ADAMTS2: variants seen among roughly 807,000 people sequenced by gnomAD.
ADAMTS2 encodes the protein A disintegrin and metalloproteinase with thrombospondin motifs 2.
ADAMTS2 carries 50 observed loss-of-function variants against 123.0 expected under a neutral mutation model. The ratio of observed to expected loss-of-function variants is 0.41; its 90% confidence interval spans 0.32 to 0.51. The LOEUF (loss-of-function observed/expected upper bound fraction) is 0.51, where lower values mean the gene tolerates loss of function less well. Ranked by LOEUF, ADAMTS2 falls within the 20% of genes least tolerant of loss-of-function variation. The pLI, the probability that ADAMTS2 is intolerant of heterozygous loss-of-function variation, is 0.35. For missense variants in ADAMTS2, 1,494 were observed against 1,705.2 expected (o/e 0.88, Z 2.18); for synonymous variants, 678 against 695.4 (o/e 0.98, Z 0.39).
At chr5:179,289,804 T>C (rs954461810) in intron 2 of ADAMTS2, among the ~76,000 whole-genome samples, 47 of 152,334 alleles carry the variant, frequency 3.1e-4, no homozygotes, top group African/African-American at 1.1e-3. Flanking sequence ...GGCACAGTGC[T>C]TCTGTGACAG....
intron 6 of ADAMTS2, among the ~76,000 whole-genome samples, chr5:179,156,170 G>A (rs1204066223): frequency 3.3e-5 from 5 of 151,966 alleles, no homozygotes; most frequent in African/African-American, 9.7e-5. Flanking sequence ...ATCTGAAAGC[G>A]CATCTTTATG....
chr5:179,205,656 C>T (rs1460500736), intron 4 of ADAMTS2, among the ~76,000 whole-genome samples: 2 of 152,210 alleles, frequency 1.3e-5, no homozygotes, highest in East Asian at 3.8e-4. Flanking sequence ...ACAGACCTAG[C>T]ATGAGGACTT....
intron 3 of ADAMTS2, among the ~76,000 whole-genome samples, chr5:179,213,391 G>C (rs1401509115): frequency 6.6e-6 from 1 of 152,196 alleles, no homozygotes; most frequent in Non-Finnish European, 1.5e-5. Flanking sequence ...CTCTCAGATA[G>C]AGAACCCTGG....
At chr5:179,183,722 G>A (rs1332670721) in intron 4 of ADAMTS2, among the ~76,000 whole-genome samples, 6 of 152,232 alleles carry the variant, frequency 3.9e-5, no homozygotes, top group Non-Finnish European at 8.8e-5. Flanking sequence ...GGGGGCACTG[G>A]CCTACAGGAG....
chr5:179,166,464 A>G (rs899026841), intron 5 of ADAMTS2, among the ~76,000 whole-genome samples: 2 of 152,180 alleles, frequency 1.3e-5, no homozygotes, highest in Admixed American at 6.5e-5. Context: ...CAGGGCTGTC[A>G]GGAGGCTTGG....
chr5:179,231,239 G>T (rs1245822705), intron 3 of ADAMTS2, among the ~76,000 whole-genome samples: 1 of 152,210 alleles, frequency 6.6e-6, no homozygotes, highest in Non-Finnish European at 1.5e-5. Flanking sequence ...AGAGCTGGGG[G>T]AGCGGGAAAT....
chr5:179,257,652 G>A (rs1231189585), intron 3 of ADAMTS2, among the ~76,000 whole-genome samples: 1 of 152,180 alleles, frequency 6.6e-6, no homozygotes, highest in Non-Finnish European at 1.5e-5. Context: ...TCACAGAAAC[G>A]GAACCGCTGG....
Position 179,125,119 on chromosome 5 carries a change from G to A in ADAMTS2, c.2812C>T (p.Arg938Cys), listed in dbSNP as rs1302357894. ...QTCGRTGMQVRSVRCIQPLHD... is the reference protein window; with the variant it reads ...QTCGRTGMQVCSVRCIQPLHD... ...AGCGGCTGAATGCAGCGCACGGAGC[G>A]CACCTGCATGCCTGTCCGCCCACAG... is the stretch of plus-strand genomic sequence containing the variant. Residue 938 changes from arginine to cysteine, a missense_variant, in exon 19 of 22, where the codon CGC (arginine) becomes TGC (cysteine). Physicochemically the swap from Arg to Cys is radical, Grantham distance 180 (BLOSUM62 -3). Transcript: ENST00000251582. 7 of 1,612,800 alleles carry A rather than the reference G, an allele frequency of 4.3e-6. No individual in the cohort carries two copies. In the Admixed American group the frequency reaches 6.7e-5, roughly 15 times the overall value.
At chr5:179,254,848 T>C (rs1766008881) in intron 3 of ADAMTS2, among the ~76,000 whole-genome samples, 2 of 152,224 alleles carry the variant, frequency 1.3e-5, no homozygotes, top group African/African-American at 4.8e-5. Context: ...GTCTGCCTTT[T>C]CCCCCAGCCA....
chr5:179,223,364 ACT>A (rs567670109), intron 3 of ADAMTS2, among the ~76,000 whole-genome samples: 89 of 123,008 alleles, frequency 7.2e-4, no homozygotes, highest in Admixed American at 6.8e-3. Context: ...GCACTCAGAC[ACT>A]CACAAACACG....
At chr5:179,258,355 G>C (rs1766124065) in intron 3 of ADAMTS2, among the ~76,000 whole-genome samples, 3 of 151,886 alleles carry the variant, frequency 2.0e-5, no homozygotes, top group African/African-American at 7.3e-5. Context: ...AGGTGCTCCT[G>C]CTGTGGTTTG....
chr5:179,164,003 T>C (rs1763649718), intron 5 of ADAMTS2, among the ~76,000 whole-genome samples: 1 of 151,806 alleles, frequency 6.6e-6, no homozygotes, highest in South Asian at 2.1e-4. Flanking sequence ...TCAGGAGACA[T>C]GAGAGTGTGC....
At chr5:179,161,247 C>A (rs1047791324) in intron 5 of ADAMTS2, among the ~76,000 whole-genome samples, 8 of 152,060 alleles carry the variant, frequency 5.3e-5, no homozygotes. Flanking sequence ...AGGAATCGGG[C>A]GAAAGAATGT....
At position 179,126,261 on chromosome 5, in the gene ADAMTS2, C is replaced by T. The variant is rs866702253; in HGVS notation, c.2618-131G>A. 57 of 1,352,168 alleles carry T rather than the reference C, an allele frequency of 4.2e-5. 1 individual carries two copies. The South Asian group carries it at 6.2e-4, about 15-fold the overall frequency. The allele number at this position is 1,352,168 out of a possible 1,614,324, so 83.8% of individuals were successfully genotyped here. A position where few individuals can be genotyped will look rare whatever the true frequency, so the allele number is the denominator to read the frequency against. Reference sequence around the variant, plus strand: ...CCCTTGTGATGACAATAAGGGTGGGCAGGGCACCGAGCCTGCGGCTGGCTG... The same window carrying T: ...CCCTTGTGATGACAATAAGGGTGGGTAGGGCACCGAGCCTGCGGCTGGCTG... On this transcript the variant is annotated intron_variant, in intron 17 of 21. Transcript: ENST00000251582.
rs73808244 is a variant in ADAMTS2, at chr5:179,285,770, C to T, written c.535-12706G>A. 1.3e-5 allele frequency among the ~76,000 whole-genome samples: 2 copies of T among 152,186 alleles called. No individual in the cohort carries two copies. Among genetic ancestry groups the T allele is most frequent in the African/African-American group, 4.8e-5 (2 of 41,438 alleles). On this transcript the variant is annotated intron_variant, in intron 2 of 21. Transcript: ENST00000251582. The surrounding 1 kb of genome is among the most constrained non-coding windows in gnomAD (Gnocchi z 4.9). ...TCTCTACTAAAGAAGAAAAATGACTCGTGCTGCAGGAACATTTGCCAAACT... is the reference window on the plus strand; with the variant it reads ...TCTCTACTAAAGAAGAAAAATGACTTGTGCTGCAGGAACATTTGCCAAACT...
At chr5:179,329,749 G>C (rs1169702794) in intron 2 of ADAMTS2, among the ~76,000 whole-genome samples, 1 of 152,174 alleles carries the variant, frequency 6.6e-6, no homozygotes, top group Non-Finnish European at 1.5e-5. Context: ...ACCCAAGCTA[G>C]CAGAGGGTTA....
rs758599662 is a variant in ADAMTS2, at chr5:179,136,017, G to A, written c.1977C>T (p.Cys659=). 4.0e-5 allele frequency: 64 copies of A among 1,613,294 alleles called. 1 individual carries two copies. The highest frequency in any genetic ancestry group is 5.3e-5 in the African/African-American group (4 of 74,914). ...RDAKERCHLY[C]ESRETGEVVS... ...CCACCTCCCCGGTCTCCCTGGACTC[G>A]CAGTACAGGTGGCATCTCTCCTTGG... Residue 659 remains cysteine, a synonymous_variant, in exon 13 of 22, where the codon TGC becomes TGT. Transcript: ENST00000251582.
intron 2 of ADAMTS2, among the ~76,000 whole-genome samples, chr5:179,325,715 G>T (rs557767617): frequency 6.6e-6 from 1 of 152,274 alleles, no homozygotes; most frequent in Non-Finnish European, 1.5e-5. Context: ...CAGGACCCAC[G>T]GGGAGGGCGG....
At chr5:179,301,986 C>T (rs985601641) in intron 2 of ADAMTS2, among the ~76,000 whole-genome samples, 13 of 152,330 alleles carry the variant, frequency 8.5e-5, no homozygotes, top group Middle Eastern at 3.4e-3. Context: ...CCTTCCAAGG[C>T]AGCCCTCAGG....
Sources: gnomAD v4.1 joint callset for allele counts (sites outside exome capture counted in the v4.1 genomes callset) on GRCh38, gnomAD v4.1.1 for gene constraint, Gnocchi (gnomAD v3.1) non-coding constraint, MANE v1.5 for transcripts, NCBI Gene and HGNC (gene_info 2026-07-23, HGNC 2026-07-21) for gene names.